AVEN: variants seen among roughly 807,000 people sequenced by gnomAD.
AVEN encodes apoptosis and caspase activation inhibitor, also known as cell death regulator Aven.
In AVEN, 41 loss-of-function variants were observed where a neutral mutation model predicts 38.1. That is an observed-to-expected ratio of 1.08 (90% CI 0.84 to 1.40). The LOEUF is 1.40. AVEN is among the 40% of genes most tolerant of loss of function. The pLI is 0.00. For missense variants in AVEN, 605 were observed against 438.8 expected (o/e 1.38, Z -3.38); for synonymous variants, 206 against 171.8 (o/e 1.20, Z -1.56).
At chr15:33,883,941 G>C (rs1290643808) in intron 2 of AVEN, among the ~76,000 whole-genome samples, 1 of 152,192 alleles carries the variant, frequency 6.6e-6, no homozygotes, top group Non-Finnish European at 1.5e-5. Flanking sequence ...GCTCTAGAAA[G>C]TTCAATGTTC....
chr15:33,890,479 G>C (rs117694649), intron 2 of AVEN, among the ~76,000 whole-genome samples: 1 of 152,166 alleles, frequency 6.6e-6, no homozygotes, highest in Non-Finnish European at 1.5e-5. Flanking sequence ...AGTAGTCTAT[G>C]TGCCATAAAG....
chr15:33,883,807 A>G (rs1413052029), intron 2 of AVEN: 1 of 152,306 alleles, frequency 6.6e-6, no homozygotes, highest in East Asian at 1.9e-4. Context: ...AAAAAGCTCA[A>G]TTTTCTTGAG....
downstream of AVEN, among the ~76,000 whole-genome samples, chr15:33,864,602 GGAT>G (rs1282443900): frequency 6.6e-6 from 1 of 151,436 alleles, no homozygotes; most frequent in Non-Finnish European, 1.5e-5. Context: ...GCATGTGAGA[GGAT>G]GAGTGAAAGG....
At chr15:33,855,050 T>A, downstream of AVEN, 3 of 874,788 alleles carry the variant, frequency 3.4e-6, no homozygotes, top group Non-Finnish European at 4.7e-6. Context: ...ACACTTCAAC[T>A]AATGGTGATT....
intron 1 of AVEN, among the ~76,000 whole-genome samples, chr15:34,034,674 G>A (rs1899034188): frequency 6.6e-6 from 1 of 152,136 alleles, no homozygotes; most frequent in Non-Finnish European, 1.5e-5. Flanking sequence ...TTGAAAATAT[G>A]TAAGTGAAAT....
At chr15:33,977,893 C>T (rs1567444116) in intron 2 of AVEN, among the ~76,000 whole-genome samples, 1 of 151,276 alleles carries the variant, frequency 6.6e-6, no homozygotes, top group African/African-American at 2.4e-5. Context: ...GCTGTGAACA[C>T]GCCACTGCAC....
Position 33,867,926 on chromosome 15 carries a change from A to G in AVEN, c.613-71T>C, listed in dbSNP as rs1391089960. ...ATATTGGCTTAAGTAAATACATAGG[A>G]GGCTAAACGAAGCCATCAAACTTTG... On this transcript the variant is annotated intron_variant, in intron 4 of 5. Transcript: ENST00000306730. The G allele has an allele frequency of 2.5e-5, 38 of 1,493,182 alleles. 1 individual carries two copies. Among genetic ancestry groups the G allele is most frequent in the Non-Finnish European group, 3.3e-5 (37 of 1,123,746 alleles). 92.5% of individuals were successfully genotyped at this position (1,493,182 alleles called of 1,614,324 possible). A position where few individuals can be genotyped will look rare whatever the true frequency, so the allele number is the denominator to read the frequency against.
At chr15:33,872,361 C>G (rs370094805) in intron 3 of AVEN, among the ~76,000 whole-genome samples, 17 of 152,290 alleles carry the variant, frequency 1.1e-4, no homozygotes, top group African/African-American at 4.1e-4. Context: ...ATATACTTCA[C>G]TTTGCAGCTA....
the AVEN span, chr15:33,853,186 C>G: frequency 1.5e-5 from 16 of 1,069,470 alleles, no homozygotes; most frequent in Admixed American, 1.5e-4. Context: ...TGTGATGCTA[C>G]TTTTATGATA....
intron 1 of AVEN, among the ~76,000 whole-genome samples, chr15:34,010,015 A>G (rs1048488322): frequency 9.9e-5 from 15 of 152,134 alleles, no homozygotes; most frequent in African/African-American, 3.4e-4. Flanking sequence ...ATATGCTCCT[A>G]GGAACACAGC....
At chr15:33,854,542 G>T, downstream of AVEN, 2 of 1,161,422 alleles carry the variant, frequency 1.7e-6, no homozygotes, top group South Asian at 1.5e-5. Context: ...AAGGGTTCAG[G>T]GATTGCTTAT....
chr15:33,992,281 T>C (rs1375954148), intron 2 of AVEN, among the ~76,000 whole-genome samples: 2 of 151,932 alleles, frequency 1.3e-5, no homozygotes, highest in East Asian at 3.9e-4. Context: ...TCCCAGCTAC[T>C]CGGGAGGCTG....
At chr15:33,917,225 AC>A (rs1355540587) in intron 2 of AVEN, among the ~76,000 whole-genome samples, 1 of 152,086 alleles carries the variant, frequency 6.6e-6, no homozygotes, top group African/African-American at 2.4e-5. Flanking sequence ...CTGGGTATCT[AC>A]CCAGAGGAAA....
chr15:33,893,112 A>T (rs2551418), intron 2 of AVEN, among the ~76,000 whole-genome samples: 124,697 of 152,130 alleles, frequency 0.82, 55,194 homozygotes, highest in Non-Finnish European at 0.98. Context: ...GCTTAAGGAG[A>T]TTTTGGGCTG....
intron 2 of AVEN, among the ~76,000 whole-genome samples, chr15:33,983,217 T>TATAG (rs1237519717): frequency 9.4e-6 from 1 of 106,786 alleles, no homozygotes; most frequent in Non-Finnish European, 1.7e-5. Context: ...TATATATACA[T>TATAG]ATATATACAC....
chr15:33,980,080 T>A (rs1282506480), intron 2 of AVEN, among the ~76,000 whole-genome samples: 1 of 152,256 alleles, frequency 6.6e-6, no homozygotes. Flanking sequence ...GTTGAATCCA[T>A]GATATTGTTT....
intron 2 of AVEN, chr15:33,990,989 T>C (rs1408078295): frequency 6.6e-6 from 1 of 152,152 alleles, no homozygotes; most frequent in Non-Finnish European, 1.5e-5. Context: ...TAGTACAAAA[T>C]GTCCCTCTGG....
chr15:33,999,990 C>T (rs142833461), intron 2 of AVEN, among the ~76,000 whole-genome samples: 2 of 152,284 alleles, frequency 1.3e-5, no homozygotes, highest in East Asian at 1.9e-4. Context: ...CGCATATTCG[C>T]TCACGTTGCT....
Position 33,867,833 on chromosome 15 carries a change from G to C in AVEN, c.635C>G (p.Pro212Arg), listed in dbSNP as rs770388146. The C allele has an allele frequency of 3.1e-6, 5 of 1,597,938 alleles. No individual in the cohort carries two copies. In the South Asian group the frequency reaches 4.5e-5, roughly 15 times the overall value. The change falls in exon 5 of 6, where the codon CCT (proline) becomes CGT (arginine). Residue 212 changes from proline (P) to arginine (R), a missense_variant. Pro to Arg is a moderately radical substitution (Grantham distance 103). Coordinates refer to ENST00000306730, the MANE Select transcript of AVEN (RefSeq NM_020371.3). ...ATCAGTTCTCTTTGGTTTCACCTGA[G>C]GAACCTCTAAAGGAACTGTACCCTG... ...LVQGTVPLEVPQVKPKRTDDG... is the reference protein window; with the variant it reads ...LVQGTVPLEVRQVKPKRTDDG...
Sources: allele counts gnomAD v4.1 joint callset (sites outside exome capture counted in the v4.1 genomes callset), GRCh38; gene constraint gnomAD v4.1.1; transcripts MANE v1.5; gene names NCBI Gene and HGNC (gene_info 2026-07-23, HGNC 2026-07-21).